The following IQCB1 variants were observed in gnomAD, a reference collection of about 807,000 sequenced individuals.
IQCB1 encodes the protein IQ calmodulin-binding motif-containing protein 1.
Under a neutral mutation model 84.4 loss-of-function variants are expected in IQCB1, and 56 were observed. That is an observed-to-expected ratio of 0.66 (90% CI 0.54 to 0.83). The LOEUF (loss-of-function observed/expected upper bound fraction) is 0.83, where lower values mean the gene tolerates loss of function less well. Among genes scored for constraint, IQCB1 ranks in the 40% least tolerant of loss-of-function variants. The probability of loss-of-function intolerance (pLI) is 0.00; values close to 1 mark genes in which losing one functional copy is unlikely to be tolerated. For synonymous variants in IQCB1, 210 were observed against 234.8 expected (o/e 0.89, Z 0.96); for missense variants, 629 against 682.1 (o/e 0.92, Z 0.87).
chr3:121,787,999 C>T (rs927197432), intron 12 of IQCB1, among the ~76,000 whole-genome samples: 3 of 152,072 alleles, frequency 2.0e-5, no homozygotes, highest in African/African-American at 7.2e-5. Context: ...AGACTTAGCT[C>T]CTTATTCTTG....
intron 10 of IQCB1, among the ~76,000 whole-genome samples, chr3:121,793,621 G>A (rs931997460): frequency 1.3e-5 from 2 of 152,158 alleles, no homozygotes; most frequent in East Asian, 1.9e-4. Context: ...GGTTAGAACC[G>A]CATTTCAGTA....
At chr3:121,798,631 G>T (rs1949290156) in intron 8 of IQCB1, among the ~76,000 whole-genome samples, 1 of 151,864 alleles carries the variant, frequency 6.6e-6, no homozygotes. Flanking sequence ...TATGGAATGT[G>T]CCTGACACAC....
intron 8 of IQCB1, 61 bp downstream of exon 8, chr3:121,799,116 TAAGAATTTTGTTTTTCATA>T: frequency 9.7e-7 from 1 of 1,030,352 alleles, no homozygotes; most frequent in South Asian, 1.4e-5. Context: ...CTTTAAAATA[TAAGAATTTTGTTTTTCATA>T]AACCATCAAT....
rs569139888 is a variant in IQCB1, at chr3:121,796,759, T to C, written c.876+359A>G. ...TTTCATGAGAAATGATGAATGAAAC[T>C]GATGTGGCAGTATTTATAAACAGAT... On this transcript the variant is annotated intron_variant, in intron 9 of 14. Transcript: ENST00000310864. 6.6e-5 allele frequency among the ~76,000 whole-genome samples: 10 copies of C among 152,250 alleles called. No individual in the cohort carries two copies. In the South Asian group the frequency reaches 1.9e-3, roughly 28 times the overall value.
At chr3:121,777,955 T>A (rs1948297777) in intron 13 of IQCB1, among the ~76,000 whole-genome samples, 1 of 151,794 alleles carries the variant, frequency 6.6e-6, no homozygotes, top group African/African-American at 2.4e-5. Context: ...CCACACAGGC[T>A]GGAGTGCAGT....
intron 5 of IQCB1, among the ~76,000 whole-genome samples, chr3:121,810,066 C>T (rs1050370769): frequency 3.3e-5 from 5 of 151,974 alleles, no homozygotes; most frequent in Non-Finnish European, 5.9e-5. Flanking sequence ...CATGGTAATT[C>T]TCATTGTTGT....
chr3:121,819,347 T>C (rs1408988352), intron 5 of IQCB1, among the ~76,000 whole-genome samples: 2 of 152,154 alleles, frequency 1.3e-5, no homozygotes, highest in Admixed American at 6.5e-5. Flanking sequence ...TATGAGAATC[T>C]AATGTTACCG....
intron 5 of IQCB1, among the ~76,000 whole-genome samples, chr3:121,816,746 T>C (rs925691429): frequency 1.3e-5 from 2 of 152,094 alleles, no homozygotes; most frequent in Non-Finnish European, 2.9e-5. Context: ...TGGCGATCAT[T>C]AAAAAGTCAG....
chr3:121,824,090 C>T (rs775284918), intron 5 of IQCB1, among the ~76,000 whole-genome samples: 11 of 152,132 alleles, frequency 7.2e-5, no homozygotes, highest in Non-Finnish European at 1.3e-4. Flanking sequence ...TTAAAACAGA[C>T]TCATTTTAAG....
intron 2 of IQCB1, among the ~76,000 whole-genome samples, chr3:121,833,143 G>A (rs2107470524): frequency 6.6e-6 from 1 of 152,280 alleles, no homozygotes; most frequent in Admixed American, 6.5e-5. Context: ...ATACATGAAA[G>A]CAATTGGAAC....
chr3:121,820,261 C>T (rs1950226316), intron 5 of IQCB1, among the ~76,000 whole-genome samples: 1 of 152,070 alleles, frequency 6.6e-6, no homozygotes, highest in Admixed American at 6.6e-5. Context: ...GCAGGTAGAG[C>T]ACCTAGCAAA....
intron 10 of IQCB1, among the ~76,000 whole-genome samples, chr3:121,793,107 G>T (rs367811870): frequency 3.0e-4 from 45 of 152,274 alleles, no homozygotes; most frequent in African/African-American, 1.1e-3. Flanking sequence ...GATGCTATCT[G>T]CATTTAAGAA....
chr3:121,801,003 T>G (rs1949387488), intron 7 of IQCB1, among the ~76,000 whole-genome samples: 1 of 152,004 alleles, frequency 6.6e-6, no homozygotes, highest in African/African-American at 2.4e-5. Context: ...CTTACTCAGC[T>G]TCTGTGATAC....
At chr3:121,795,996 C>T (rs1949179581) in intron 9 of IQCB1, among the ~76,000 whole-genome samples, 1 of 152,026 alleles carries the variant, frequency 6.6e-6, no homozygotes, top group South Asian at 2.1e-4. Context: ...TCCTGATAGA[C>T]CATTGGGCTT....
chr3:121,769,988 G>A lies in IQCB1; in HGVS notation c.*357C>T, dbSNP rs1409848295. The A allele has an allele frequency of 5.2e-6, 1 of 191,250 alleles. No individual in the cohort carries two copies. The allele number at this position is 191,250 out of a possible 1,614,324, so 11.8% of individuals were successfully genotyped here. ...AAATGTGAAAAGTTGAAATAATCCT[G>A]ACAAATTTTTCAAATCAATTGTTGA... On this transcript the variant is annotated 3_prime_UTR_variant, in exon 15 of 15. Coordinates refer to ENST00000310864, the MANE Select transcript of IQCB1 (RefSeq NM_001023570.4).
chr3:121,801,702 A>T (rs1352786519), intron 7 of IQCB1, among the ~76,000 whole-genome samples: 2 of 151,110 alleles, frequency 1.3e-5, no homozygotes, highest in African/African-American at 4.9e-5. Context: ...GCTTCCTTGT[A>T]TTTCATTGTA....
chr3:121,781,295 C>G (rs1948480539), intron 13 of IQCB1, among the ~76,000 whole-genome samples: 1 of 152,040 alleles, frequency 6.6e-6, no homozygotes, highest in Non-Finnish European at 1.5e-5. Context: ...AAGGTGCTAG[C>G]AGTATTATTG....
intron 5 of IQCB1, among the ~76,000 whole-genome samples, chr3:121,809,238 A>G (rs552613086): frequency 1.3e-5 from 2 of 152,096 alleles, no homozygotes; most frequent in South Asian, 2.1e-4. Context: ...ATAAAACAAC[A>G]TAAGTAGTGT....
At chr3:121,815,059 A>G (rs1243512003) in intron 5 of IQCB1, among the ~76,000 whole-genome samples, 1 of 152,196 alleles carries the variant, frequency 6.6e-6, no homozygotes, top group African/African-American at 2.4e-5. Context: ...AAACTTATCA[A>G]CTATGATTAA....
Sources: gnomAD v4.1 joint callset for allele counts (sites outside exome capture counted in the v4.1 genomes callset) on GRCh38, gnomAD v4.1.1 for gene constraint, MANE v1.5 for transcripts, NCBI Gene and HGNC (gene_info 2026-07-23, HGNC 2026-07-21) for gene names.